TENM1: variants seen among roughly 807,000 people sequenced by gnomAD.
The protein encoded by TENM1 is teneurin transmembrane protein 1, also known as teneurin-1.
In TENM1, 35 loss-of-function variants were observed where a neutral mutation model predicts 174.8. That is an observed-to-expected ratio of 0.20 (90% confidence interval 0.15 to 0.27). TENM1 has a LOEUF of 0.27. TENM1 is among the 10% of genes least tolerant of loss of function. TENM1 has a pLI of 1.00. For synonymous variants in TENM1, 781 were observed against 798.7 expected (o/e 0.98, Z 0.37); for missense variants, 1,633 against 2,130.1 (o/e 0.77, Z 4.59).
chrX:124,521,088 T>C (rs1031012798), intron 17 of TENM1, among the ~76,000 whole-genome samples: 1 of 111,488 alleles, frequency 9.0e-6, no homozygotes, highest in Non-Finnish European at 1.9e-5. Flanking sequence ...AAAAACTGCT[T>C]AGTAGGAGTT....
chrX:124,739,264 G>A (rs1051100313), intron 3 of TENM1, among the ~76,000 whole-genome samples: 1 of 111,886 alleles, frequency 8.9e-6, no homozygotes, highest in East Asian at 2.8e-4. Context: ...ATGTGCTTGA[G>A]CATGCATTTT....
rs200501935 is a variant in TENM1, at chrX:124,456,365, CA to C, written c.3950-2875del. ...TGAGGAAACTATGTGATAGGTGCTT[CA>C]TAAATGTACCGAGCATATTTTATAT... On this transcript the variant is annotated intron_variant, in intron 22 of 31. Coordinates refer to ENST00000422452, the Ensembl canonical transcript of TENM1. Among the ~76,000 whole-genome samples, 16 of 112,055 alleles carry C rather than the reference CA, an allele frequency of 1.4e-4. No homozygotes were observed. In the East Asian group the frequency reaches 3.9e-3, roughly 27 times the overall value.
intron 3 of TENM1, among the ~76,000 whole-genome samples, chrX:124,757,004 A>T (rs1177338250): frequency 8.9e-6 from 1 of 112,049 alleles, no homozygotes; most frequent in Non-Finnish European, 1.9e-5. Context: ...TGCTGGGAGA[A>T]CCACTGGTCT....
chrX:124,384,556 T>C, exon 30 of TENM1: 1 of 1,211,423 alleles, frequency 8.3e-7, no homozygotes, highest in East Asian at 3.0e-5. Context: ...AGTAGGCAAT[T>C]GCCTTTAGGA....
chrX:124,397,654 A>C (rs1234218880), intron 27 of TENM1, among the ~76,000 whole-genome samples: 3 of 110,172 alleles, frequency 2.7e-5, no homozygotes, highest in Non-Finnish European at 5.7e-5. Flanking sequence ...CTGGAGTGCA[A>C]TGGCATGATC....
intron 16 of TENM1, among the ~76,000 whole-genome samples, chrX:124,526,498 G>A (rs1034447632): frequency 8.9e-6 from 1 of 112,202 alleles, no homozygotes; most frequent in Admixed American, 9.4e-5. Context: ...ACATGGAGAC[G>A]GAAGGTGGAA....
intron 14 of TENM1, among the ~76,000 whole-genome samples, chrX:124,556,572 C>A (rs1260642813): frequency 8.9e-6 from 1 of 111,860 alleles, no homozygotes; most frequent in South Asian, 3.8e-4. Context: ...TCTCATTAAA[C>A]AAGGGCAATT....
intron 28 of TENM1, among the ~76,000 whole-genome samples, chrX:124,388,883 G>A (rs575489337): frequency 1.8e-5 from 2 of 112,160 alleles, no homozygotes; most frequent in East Asian, 5.6e-4. Flanking sequence ...TAAGGCTAAA[G>A]TATCTTATTA....
In TENM1 at chrX:124,839,659, C is replaced by T. The variant is rs139175122; in HGVS notation, c.535+54637G>A. ...CTGATGAAAATGTTTATTAGCTAGTCATAAAAGTTACTATATTAAGATGAG... is the reference window on the plus strand; with the variant it reads ...CTGATGAAAATGTTTATTAGCTAGTTATAAAAGTTACTATATTAAGATGAG... On this transcript the variant is annotated intron_variant, in intron 3 of 31. Transcript: ENST00000422452. Among the ~76,000 whole-genome samples the T allele has an allele frequency of 3.0e-3, 333 of 111,506 alleles. 1 individual carries two copies. The highest frequency in any genetic ancestry group is 5.1e-3 in the Non-Finnish European group (269 of 53,039).
intron 10 of TENM1, among the ~76,000 whole-genome samples, chrX:124,643,601 T>C (rs2051073662): frequency 9.0e-6 from 1 of 111,449 alleles, no homozygotes; most frequent in Non-Finnish European, 1.9e-5. Context: ...AGCAACACAG[T>C]GTGAGCCAAA....
chrX:125,092,083 C>A, the TENM1 span, among the ~76,000 whole-genome samples: 1 of 107,160 alleles, frequency 9.3e-6, no homozygotes, highest in African/African-American at 3.4e-5. Context: ...TAGAAAAATA[C>A]CCTTAGGAAA....
intron 4 of TENM1, 112 bp from the exon 8 acceptor site, chrX:124,705,363 G>A (rs184115880): frequency 9.8e-5 from 51 of 522,104 alleles, no homozygotes; most frequent in African/African-American, 9.1e-4. Context: ...AAGAGAACTG[G>A]ATGGAGCTCA....
the TENM1 span, among the ~76,000 whole-genome samples, chrX:124,996,937 T>C: frequency 1.8e-5 from 2 of 111,420 alleles, no homozygotes. Flanking sequence ...GAAAGCGAAG[T>C]GGATGCTATA....
chrX:124,548,760 C>G (rs146537101), intron 14 of TENM1, among the ~76,000 whole-genome samples: 4 of 111,264 alleles, frequency 3.6e-5, no homozygotes, highest in Non-Finnish European at 7.5e-5. Flanking sequence ...CTCTCTCCCC[C>G]ACTTGTCTGC....
chrX:124,389,778 G>A (rs1032914150), intron 28 of TENM1, among the ~76,000 whole-genome samples: 2 of 111,585 alleles, frequency 1.8e-5, no homozygotes, highest in African/African-American at 6.5e-5. Flanking sequence ...CAGTGAATTA[G>A]TTATGATTAC....
At chrX:125,200,215 T>A in the TENM1 span, among the ~76,000 whole-genome samples, 3 of 111,939 alleles carry the variant, frequency 2.7e-5, no homozygotes, top group African/African-American at 9.7e-5. Flanking sequence ...TTCAGAATAT[T>A]TTTACCTTTT....
At chrX:125,100,076 C>T in the TENM1 span, among the ~76,000 whole-genome samples, 1 of 111,269 alleles carries the variant, frequency 9.0e-6, no homozygotes, top group Non-Finnish European at 1.9e-5. Context: ...ATTAGAAGTC[C>T]TCTTCCCCTT....
chrX:124,839,245 T>C (rs185273756), intron 3 of TENM1, among the ~76,000 whole-genome samples: 86 of 111,726 alleles, frequency 7.7e-4, no homozygotes, highest in African/African-American at 2.7e-3. Flanking sequence ...AATTTATAGT[T>C]ATGGGTACTT....
intron 23 of TENM1, among the ~76,000 whole-genome samples, chrX:124,449,380 G>A (rs915193944): frequency 8.9e-6 from 1 of 111,879 alleles, no homozygotes; most frequent in East Asian, 2.8e-4. Flanking sequence ...TTTTATGGTG[G>A]GAATTATGTT....
Sources: gnomAD v4.1 joint callset for allele counts (sites outside exome capture counted in the v4.1 genomes callset) on GRCh38, gnomAD v4.1.1 for gene constraint, MANE v1.5 for transcripts, NCBI Gene and HGNC (gene_info 2026-07-23, HGNC 2026-07-21) for gene names.